CCDC88C: variants seen among roughly 807,000 people sequenced by gnomAD.
CCDC88C encodes the protein protein Daple.
CCDC88C carries 131 observed loss-of-function variants against 198.8 expected under a neutral mutation model. The observed-to-expected ratio is 0.66, with a 90% CI of 0.57 to 0.76. The LOEUF is 0.76. Among genes scored for constraint, CCDC88C ranks in the 30% least tolerant of loss-of-function variants. The pLI, the probability that CCDC88C is intolerant of heterozygous loss-of-function variation, is 0.00. For missense variants in CCDC88C, 2,553 were observed against 2,631.6 expected, an observed-to-expected ratio of 0.97 and a Z score of 0.65; for synonymous variants, 1,166 against 1,114.7, an observed-to-expected ratio of 1.05 and a Z score of -0.92.
intron 21 of CCDC88C, among the ~76,000 whole-genome samples, chr14:91,298,368 G>A (rs528337460): frequency 2.0e-4 from 31 of 151,374 alleles, no homozygotes; most frequent in African/African-American, 6.3e-4. Flanking sequence ...GCAAGACTCC[G>A]TCTCAAAAAA....
intron 26 of CCDC88C, 129 bp from the exon 27 acceptor site, chr14:91,281,654 A>ATGC: frequency 1.3e-6 from 1 of 770,780 alleles, no homozygotes; most frequent in South Asian, 1.5e-5. Context: ...TGGCATGCAG[A>ATGC]TGCTGCCTTT....
At chr14:91,370,402 C>A (rs938363673) in intron 3 of CCDC88C, among the ~76,000 whole-genome samples, 1 of 152,178 alleles carries the variant, frequency 6.6e-6, no homozygotes, top group Admixed American at 6.5e-5. Context: ...AGGGAGGGAA[C>A]CAGAGGATGT....
intron 10 of CCDC88C, among the ~76,000 whole-genome samples, chr14:91,335,546 T>C (rs540574244): frequency 1.3e-5 from 2 of 152,200 alleles, no homozygotes; most frequent in Non-Finnish European, 1.5e-5. Context: ...GCCCCAGCCA[T>C]GTTTGGGTGA....
intron 3 of CCDC88C, 82 bp from the exon 4 acceptor site, chr14:91,359,793 A>G: frequency 7.7e-7 from 1 of 1,300,634 alleles, no homozygotes; most frequent in East Asian, 2.5e-5. Flanking sequence ...CAAGTAATGA[A>G]GCCCCCGGAC....
At chr14:91,300,185 GTC>G (rs1891209865) in intron 20 of CCDC88C, 115 bp from the exon 21 acceptor site, 1 of 1,429,500 alleles carries the variant, frequency 7.0e-7, no homozygotes, top group Non-Finnish European at 9.4e-7. Context: ...CCTCTGGAGA[GTC>G]TCTCTGCAGA....
chr14:91,381,847 C>T lies in CCDC88C; in HGVS notation c.271-22136G>A, dbSNP rs889183978. On this transcript the variant is annotated intron_variant, in intron 3 of 29. Transcript: ENST00000389857. The surrounding 1 kb of genome is among the most constrained non-coding windows in gnomAD (Gnocchi z 4.2). ...TCGAAAAACAAAAACAACAAAAAAC[C>T]GGCCCTTTCTTGCGAGACTCAGCTC... 1.3e-5 allele frequency among the ~76,000 whole-genome samples: 2 copies of T among 149,442 alleles called. No homozygotes were observed. Among genetic ancestry groups the T allele is most frequent in the Admixed American group, 6.7e-5 (1 of 15,002 alleles).
chr14:91,304,584 G>A (rs1162043022), intron 19 of CCDC88C, among the ~76,000 whole-genome samples: 1 of 151,618 alleles, frequency 6.6e-6, no homozygotes. Context: ...GTGAAACCCT[G>A]TCTCTTACAA....
intron 22 of CCDC88C, among the ~76,000 whole-genome samples, chr14:91,295,658 G>T (rs1890970337): frequency 6.6e-6 from 1 of 152,254 alleles, no homozygotes; most frequent in South Asian, 2.1e-4. Context: ...AGGCATATGG[G>T]CTCCTGGAGA....
intron 27 of CCDC88C, among the ~76,000 whole-genome samples, chr14:91,280,137 C>T (rs1034530981): frequency 7.9e-5 from 12 of 152,210 alleles, no homozygotes; most frequent in African/African-American, 1.9e-4. Context: ...AACATGTCTA[C>T]GCTGCTGTGC....
chr14:91,391,257 CA>C (rs144036813), intron 3 of CCDC88C, among the ~76,000 whole-genome samples: 26,432 of 141,938 alleles, frequency 0.19, 2,785 homozygotes, highest in Non-Finnish European at 0.26. Context: ...CAAAACAAAA[CA>C]AAAAAAAAAA....
chr14:91,346,161 G>T (rs1596095821), intron 4 of CCDC88C, among the ~76,000 whole-genome samples: 1 of 152,266 alleles, frequency 6.6e-6, no homozygotes, highest in East Asian at 1.9e-4. Flanking sequence ...ATGAATATGC[G>T]ACCTCCTCCT....
rs117960988 is a variant in CCDC88C, at chr14:91,292,282, A to C, written c.4113-1198T>G. Among the ~76,000 whole-genome samples, 58 of 152,270 alleles carry C rather than the reference A, an allele frequency of 3.8e-4. 2 individuals carry two copies. In the East Asian group the frequency reaches 0.011, roughly 29 times the overall value. ...GCTGGGGTTGGCCCCACAGACTCAC[A>C]CGAACTCCAGGGCCCGGAGCAGGCC... On this transcript the variant is annotated intron_variant, in intron 23 of 29. Transcript: ENST00000389857.
At chr14:91,321,008 T>C in intron 13 of CCDC88C, 112 bp downstream of exon 13, 4 of 1,015,878 alleles carry the variant, frequency 3.9e-6, no homozygotes, top group Non-Finnish European at 5.6e-6. Flanking sequence ...GCCTGACACC[T>C]GCATGCTCTA....
chr14:91,383,690 C>T (rs1448739950), intron 3 of CCDC88C, among the ~76,000 whole-genome samples: 1 of 152,174 alleles, frequency 6.6e-6, no homozygotes, highest in Non-Finnish European at 1.5e-5. Flanking sequence ...GGGAACAGCC[C>T]CATTCCTGGG....
intron 3 of CCDC88C, among the ~76,000 whole-genome samples, chr14:91,389,390 G>A (rs1885348159): frequency 6.6e-6 from 1 of 152,132 alleles, no homozygotes; most frequent in Non-Finnish European, 1.5e-5. Context: ...TCAAAGTCAA[G>A]GTCACTGACC....
intron 3 of CCDC88C, among the ~76,000 whole-genome samples, chr14:91,398,486 T>G (rs1474366532): frequency 6.6e-6 from 1 of 151,694 alleles, no homozygotes; most frequent in Non-Finnish European, 1.5e-5. Context: ...AGACCCCATC[T>G]CTACAAAAAA....
Position 91,309,841 on chromosome 14 carries a change from G to A in CCDC88C, c.2864+18C>T, listed in dbSNP as rs768999276. ...AGGAAGTGCTCCCACGATGGGGAGA[G>A]GGAGAAGAGGCCCTCACGTGTCACT... On this transcript the variant is annotated intron_variant, in intron 16 of 29. Transcript: ENST00000389857. 2.5e-6 allele frequency: 4 copies of A among 1,599,918 alleles called. No homozygotes were observed. The highest frequency in any genetic ancestry group is 3.4e-6 in the Non-Finnish European group (4 of 1,169,220).
rs747705549 is a variant in CCDC88C at position 91,281,541 on chromosome 14, G to A, written c.4631-16C>T. 6.2e-7 allele frequency: 1 copy of A among 1,613,010 alleles called. No homozygotes were observed. Among genetic ancestry groups the A allele is most frequent in the Non-Finnish European group, 8.5e-7 (1 of 1,179,152 alleles). On this transcript the variant is annotated splice_polypyrimidine_tract_variant and intron_variant, in intron 26 of 29. Coordinates refer to ENST00000389857, the MANE Select transcript of CCDC88C (RefSeq NM_001080414.4). ...GAGTTATAGCCTAAGGTGAAAATAA[G>A]GCTAGTGAGTCATGGTTACGGAACA...
At position 91,313,832 on chromosome 14, in the gene CCDC88C, C is replaced by T. The variant is rs769712056; in HGVS notation, c.1984G>A (p.Glu662Lys). Residue 662 changes from glutamate (E) to lysine (K), a missense_variant, in exon 15 of 30, where the codon GAG becomes AAG. This residue lies in a region of CCDC88C where 1,260 missense variants were observed against 1,412.0 expected (regional missense o/e 0.89). Transcript: ENST00000389857. This position sits in a 1 kb window ranked among gnomAD's most constrained non-coding sequence, Gnocchi z 5.2. ...TSLETATEKVEALEHESQGLQ... is the reference protein window; with the variant it reads ...TSLETATEKVKALEHESQGLQ... ...CCCTGGCTCTCATGCTCCAGGGCCT[C>T]GACTTTCTCGGTGGCTGTCTCCAGG... The T allele has an allele frequency of 4.1e-5, 65 of 1,603,648 alleles. No individual in the cohort carries two copies. The highest frequency in any genetic ancestry group is 1.6e-4 in the African/African-American group (12 of 74,790).
Sources: allele counts gnomAD v4.1 joint callset (sites outside exome capture counted in the v4.1 genomes callset), GRCh38; gene constraint gnomAD v4.1.1; regional missense constraint gnomAD v4.1.1; non-coding constraint Gnocchi (gnomAD v3.1); transcripts MANE v1.5; gene names NCBI Gene and HGNC (gene_info 2026-07-23, HGNC 2026-07-21).